RPH3A: variants seen among roughly 807,000 people sequenced by gnomAD.
RPH3A encodes the protein rabphilin 3A.
RPH3A carries 48 observed loss-of-function variants against 102.2 expected under a neutral mutation model. The ratio of observed to expected loss-of-function variants is 0.47; its 90% CI spans 0.37 to 0.60. RPH3A has a LOEUF of 0.60. Among genes scored for constraint, RPH3A ranks in the 20% least tolerant of loss-of-function variants. RPH3A has a pLI of 0.00. For missense variants in RPH3A, 781 were observed against 910.1 expected (o/e 0.86, Z 1.83); for synonymous variants, 310 against 324.3 (o/e 0.96, Z 0.47).
At chr12:112,669,487 T>C (rs1461539545) in intron 1 of RPH3A, among the ~76,000 whole-genome samples, 4 of 152,256 alleles carry the variant, frequency 2.6e-5, no homozygotes, top group African/African-American at 7.2e-5. Context: ...TTCCCCATGA[T>C]TGTTTTATTT....
At chr12:112,681,252 G>A (rs2040224191) in intron 1 of RPH3A, among the ~76,000 whole-genome samples, 1 of 152,192 alleles carries the variant, frequency 6.6e-6, no homozygotes, top group Admixed American at 6.5e-5. Context: ...GCCTTCTGAA[G>A]AGTTCCTCCC....
At chr12:112,716,072 A>T (rs905177026) in intron 1 of RPH3A, among the ~76,000 whole-genome samples, 1 of 152,174 alleles carries the variant, frequency 6.6e-6, no homozygotes, top group Non-Finnish European at 1.5e-5. Flanking sequence ...CATTATAATT[A>T]GTGTATAATG....
chr12:112,629,151 C>T (rs993586506), intron 1 of RPH3A, among the ~76,000 whole-genome samples: 1 of 152,052 alleles, frequency 6.6e-6, no homozygotes, highest in Admixed American at 6.5e-5. Flanking sequence ...GACCTGGAGA[C>T]ACTTATTGAT....
intron 3 of RPH3A, among the ~76,000 whole-genome samples, chr12:112,832,212 G>A (rs34752845): frequency 0.31 from 47,014 of 151,754 alleles, 7,551 homozygotes; most frequent in Middle Eastern, 0.38. Context: ...ATTTCTTCAC[G>A]TCTTTCATCC....
At chr12:112,680,154 T>C (rs2040216799) in intron 1 of RPH3A, among the ~76,000 whole-genome samples, 1 of 152,182 alleles carries the variant, frequency 6.6e-6, no homozygotes, top group Admixed American at 6.5e-5. Flanking sequence ...ATGCTGAGCC[T>C]GGAGCGGTGA....
chr12:112,790,480 G>T (rs1297978460), upstream of RPH3A, among the ~76,000 whole-genome samples: 1 of 152,180 alleles, frequency 6.6e-6, no homozygotes, highest in Non-Finnish European at 1.5e-5. Flanking sequence ...ATCTGGATGG[G>T]AAGCTTTAGA....
intron 1 of RPH3A, among the ~76,000 whole-genome samples, chr12:112,755,120 A>G (rs1395750303): frequency 6.6e-6 from 1 of 152,138 alleles, no homozygotes; most frequent in African/African-American, 2.4e-5. Context: ...TGGCACAGGT[A>G]GACTATTCAC....
At chr12:112,870,081 G>A in intron 10 of RPH3A, 42 bp downstream of exon 10, 1 of 1,568,008 alleles carries the variant, frequency 6.4e-7, no homozygotes, top group Non-Finnish European at 8.6e-7. Context: ...CTCTGGATAG[G>A]GAGACTCAAA....
At chr12:112,858,283 A>G (rs1156394921) in intron 5 of RPH3A, among the ~76,000 whole-genome samples, 3 of 150,350 alleles carry the variant, frequency 2.0e-5, no homozygotes, top group African/African-American at 7.4e-5. Context: ...AAAAAAAAAA[A>G]AAAAAAAAAA....
In RPH3A at chr12:112,876,749, C is replaced by T. The variant is rs1225204365; in HGVS notation, c.1054C>T (p.Pro352Ser). The T allele has an allele frequency of 2.5e-6, 4 of 1,613,158 alleles. No homozygotes were observed. Among genetic ancestry groups the T allele is most frequent in the Non-Finnish European group, 3.4e-6 (4 of 1,179,598 alleles). Residue 352 changes from proline (P) to serine (S), a missense_variant, in exon 13 of 22, where the codon CCC (proline) becomes TCC (serine). Transcript: ENST00000389385. Reference protein sequence around the residue: ...VGAREDRMSHPSGPYSQASAA... With the variant: ...VGAREDRMSHSSGPYSQASAA... ...AGCCAGAGAGGACCGAATGAGCCAC[C>T]CCTCCGGACCCTATTCCCAAGCATC...
chr12:112,878,252 A>G (rs2042842455), intron 13 of RPH3A, among the ~76,000 whole-genome samples: 2 of 152,282 alleles, frequency 1.3e-5, no homozygotes, highest in African/African-American at 2.4e-5. Flanking sequence ...TCCCTGGAAC[A>G]CTGGCTACTG....
chr12:112,586,838 A>T (rs2039442691), intron 1 of RPH3A, among the ~76,000 whole-genome samples: 1 of 152,198 alleles, frequency 6.6e-6, no homozygotes, highest in South Asian at 2.1e-4. Flanking sequence ...CCTCAGGGTG[A>T]CTTCAGAGGC....
chr12:112,690,404 C>T (rs1012796773), intron 1 of RPH3A, among the ~76,000 whole-genome samples: 7 of 152,150 alleles, frequency 4.6e-5, no homozygotes, highest in African/African-American at 1.4e-4. Context: ...GAAGAAAGTG[C>T]CATGCTACAG....
chr12:112,786,949 C>T (rs1306263655), upstream of RPH3A, among the ~76,000 whole-genome samples: 1 of 152,150 alleles, frequency 6.6e-6, no homozygotes, highest in Non-Finnish European at 1.5e-5. Flanking sequence ...CTCTTTTCCT[C>T]ACCTTTTCCA....
intron 1 of RPH3A, among the ~76,000 whole-genome samples, chr12:112,579,327 C>T (rs2039380478): frequency 6.6e-6 from 1 of 152,174 alleles, no homozygotes; most frequent in Non-Finnish European, 1.5e-5. Flanking sequence ...GCTGGCTTCA[C>T]CCAAAGCACG....
chr12:112,628,630 C>T (rs1439607435), intron 1 of RPH3A, among the ~76,000 whole-genome samples: 4 of 121,852 alleles, frequency 3.3e-5, no homozygotes, highest in Admixed American at 2.0e-4. Context: ...TGGGGTGGTG[C>T]ATATCTGTAG....
At chr12:112,819,484 T>G (rs1465055340) in intron 2 of RPH3A, among the ~76,000 whole-genome samples, 1 of 151,904 alleles carries the variant, frequency 6.6e-6, no homozygotes, top group Admixed American at 6.6e-5. Flanking sequence ...AAAGGGGAGG[T>G]AGGATTGGAT....
intron 2 of RPH3A, among the ~76,000 whole-genome samples, chr12:112,824,859 T>C (rs773734740): frequency 6.6e-6 from 1 of 152,178 alleles, no homozygotes; most frequent in Non-Finnish European, 1.5e-5. Context: ...GCAGGCCAGA[T>C]TCTGCCCTGA....
At chr12:112,712,966 T>TTC (rs1565857004) in intron 1 of RPH3A, among the ~76,000 whole-genome samples, 6 of 104,490 alleles carry the variant, frequency 5.7e-5, no homozygotes, top group Admixed American at 2.4e-4. Flanking sequence ...TCTTCTTCTT[T>TTC]CTTCTTCTTT....
Sources: allele counts gnomAD v4.1 joint callset (sites outside exome capture counted in the v4.1 genomes callset), GRCh38; gene constraint gnomAD v4.1.1; transcripts MANE v1.5; gene names NCBI Gene and HGNC (gene_info 2026-07-23, HGNC 2026-07-21).